KAZN: variants seen among roughly 807,000 people sequenced by gnomAD.
KAZN encodes kazrin, periplakin interacting protein, also known as kazrin.
KAZN carries 40 observed loss-of-function variants against 87.4 expected under a neutral mutation model. That is an observed-to-expected ratio of 0.46 (90% CI 0.36 to 0.60). The LOEUF is 0.60. Ranked by LOEUF, KAZN falls within the 20% of genes least tolerant of loss-of-function variation. The pLI is 0.00. For synonymous variants in KAZN, 466 were observed against 458.3 expected (o/e 1.02, Z -0.22); for missense variants, 898 against 1,073.9 (o/e 0.84, Z 2.29).
At chr1:14,535,485 G>A (rs1316769709) in intron 2 of KAZN, among the ~76,000 whole-genome samples, 2 of 152,222 alleles carry the variant, frequency 1.3e-5, no homozygotes, top group Admixed American at 1.3e-4. Context: ...GGCCAACATG[G>A]TGAAACCCCG....
intron 14 of KAZN, 62 bp downstream of exon 14, chr1:15,112,603 C>CCAGCGGCAGGTCTTTTTTTCTCT: frequency 2.7e-6 from 1 of 376,132 alleles, no homozygotes; most frequent in Non-Finnish European, 4.2e-6. Context: ...TTTTTTTCTC[C>CCAGCGGCAGGTCTTTTTTTCTCT]TCCCGGGAGC....
chr1:14,871,964 T>C (rs1196652151), intron 1 of KAZN, among the ~76,000 whole-genome samples: 1 of 152,024 alleles, frequency 6.6e-6, no homozygotes, highest in Non-Finnish European at 1.5e-5. Flanking sequence ...AGATGTCTGT[T>C]AATCATCTGG....
chr1:14,930,023 C>G (rs759836895), intron 1 of KAZN: 1 of 985,456 alleles, frequency 1.0e-6, no homozygotes, highest in Non-Finnish European at 1.2e-6. Flanking sequence ...GGAGGAAATT[C>G]GGAACCAGAA....
rs911733113 is a variant in KAZN at position 14,773,820 on chromosome 1, C to T, written c.226+174597C>T. Among the ~76,000 whole-genome samples the T allele has an allele frequency of 2.6e-5, 4 of 152,188 alleles. No homozygotes were observed. The highest frequency in any genetic ancestry group is 9.7e-5 in the African/African-American group (4 of 41,444). On this transcript the variant is annotated intron_variant, in intron 1 of 14. Transcript: ENST00000376030. This position sits in a 1 kb window ranked among gnomAD's most constrained non-coding sequence, Gnocchi z 5.9. ...GCGGCAGGTCCCAGCCCAGGCCAGG[C>T]CTGCTCTCCTCCCCTCCCCTCCAAA...
At chr1:14,892,049 C>A (rs1030349440) in intron 1 of KAZN, among the ~76,000 whole-genome samples, 30 of 152,286 alleles carry the variant, frequency 2.0e-4, no homozygotes, top group African/African-American at 7.0e-4. Context: ...CCTCCTGCCT[C>A]TGGCCTCTGG....
intron 1 of KAZN, among the ~76,000 whole-genome samples, chr1:14,818,529 C>G (rs1646640476): frequency 6.6e-6 from 1 of 152,240 alleles, no homozygotes; most frequent in Non-Finnish European, 1.5e-5. Context: ...GTGGGGACAG[C>G]CCAGCAGGAG....
chr1:14,926,100 A>G (rs1276195888), intron 1 of KAZN, among the ~76,000 whole-genome samples: 2 of 152,196 alleles, frequency 1.3e-5, no homozygotes, highest in African/African-American at 4.8e-5. Flanking sequence ...CTGGCATTAC[A>G]TGCTTGCCAG....
intron 2 of KAZN, among the ~76,000 whole-genome samples, chr1:14,543,999 T>C (rs1013255774): frequency 6.6e-6 from 1 of 152,208 alleles, no homozygotes; most frequent in African/African-American, 2.4e-5. Context: ...TTTAATAAGA[T>C]AGCAAAGAAT....
intron 4 of KAZN, among the ~76,000 whole-genome samples, chr1:15,053,988 T>C (rs1674680272): frequency 6.6e-6 from 1 of 152,112 alleles, no homozygotes; most frequent in Admixed American, 6.5e-5. Flanking sequence ...CTTTTCACTA[T>C]ACAGATGGGG....
intron 1 of KAZN, among the ~76,000 whole-genome samples, chr1:14,093,083 G>A (rs886726044): frequency 1.2e-4 from 18 of 152,064 alleles, no homozygotes; most frequent in South Asian, 4.1e-4. Context: ...CCAGATACAC[G>A]TCCACTGTGC....
In KAZN at chr1:15,080,498, C is replaced by T. The variant is rs528367524; in HGVS notation, c.1223-13682C>T. 3.3e-5 allele frequency among the ~76,000 whole-genome samples: 5 copies of T among 152,264 alleles called. No homozygotes were observed. The East Asian group carries it at 9.7e-4, about 30-fold the overall frequency. On this transcript the variant is annotated intron_variant, in intron 8 of 14. Coordinates refer to ENST00000376030, the MANE Select transcript of KAZN (RefSeq NM_201628.3). The stretch of plus-strand genomic sequence containing the variant: ...GGTGAGTGACTGATAGGCTCTCCTC[C>T]TGATGCTCTTCACACCCACGCTGTC...
chr1:14,071,989 G>T, intron 1 of KAZN, among the ~76,000 whole-genome samples: 1 of 152,136 alleles, frequency 6.6e-6, no homozygotes, highest in East Asian at 1.9e-4. Flanking sequence ...TTTGTTTAGG[G>T]TAAGTATCAA....
At chr1:14,770,062 A>G (rs1318814866) in intron 1 of KAZN, among the ~76,000 whole-genome samples, 1 of 152,206 alleles carries the variant, frequency 6.6e-6, no homozygotes, top group East Asian at 1.9e-4. Context: ...AGAATAGTCC[A>G]GGGTGGCTGG....
chr1:15,018,305 T>C (rs1339558720), intron 2 of KAZN, among the ~76,000 whole-genome samples: 1 of 152,180 alleles, frequency 6.6e-6, no homozygotes, highest in African/African-American at 2.4e-5. Context: ...AAATATTTTA[T>C]AGAGGTCTTA....
chr1:13,925,101 G>A (rs113308134), intron 1 of KAZN, among the ~76,000 whole-genome samples: 9 of 152,018 alleles, frequency 5.9e-5, no homozygotes, highest in African/African-American at 1.9e-4. Context: ...CTTCCACCCC[G>A]GGCGACCACT....
intron 1 of KAZN, among the ~76,000 whole-genome samples, chr1:14,606,235 T>A (rs986302235): frequency 1.3e-5 from 2 of 152,240 alleles, no homozygotes; most frequent in African/African-American, 2.4e-5. Context: ...CTGCCCTGCC[T>A]CCTAAGTCAG....
intron 2 of KAZN, among the ~76,000 whole-genome samples, chr1:14,580,062 T>A (rs891564560): frequency 6.6e-6 from 1 of 152,194 alleles, no homozygotes; most frequent in African/African-American, 2.4e-5. Context: ...ATCCGACATC[T>A]TTTTTGTGGC....
intron 2 of KAZN, among the ~76,000 whole-genome samples, chr1:14,251,947 C>A (rs991592375): frequency 6.6e-6 from 1 of 152,024 alleles, no homozygotes; most frequent in Non-Finnish European, 1.5e-5. Context: ...CTGTGCCCGA[C>A]CCTCCTTGGA....
At chr1:14,908,135 C>T (rs1656820439) in intron 1 of KAZN, among the ~76,000 whole-genome samples, 1 of 152,198 alleles carries the variant, frequency 6.6e-6, no homozygotes, top group African/African-American at 2.4e-5. Flanking sequence ...CGGTGGCTCA[C>T]ACCTGTAATG....
Sources: allele counts gnomAD v4.1 joint callset (sites outside exome capture counted in the v4.1 genomes callset), GRCh38; gene constraint gnomAD v4.1.1; non-coding constraint Gnocchi (gnomAD v3.1); transcripts MANE v1.5; gene names NCBI Gene and HGNC (gene_info 2026-07-23, HGNC 2026-07-21).